AKAP19: variants seen among roughly 807,000 people sequenced by gnomAD.
AKAP19 encodes the protein small A-kinase anchoring protein.
chr2:189,989,753 A>G, the AKAP19 span, among the ~76,000 whole-genome samples: 1 of 152,198 alleles, frequency 6.6e-6, no homozygotes, highest in Non-Finnish European at 1.5e-5. Context: ...AAGAATCCTC[A>G]AAAAAGTTCT....
the AKAP19 span, chr2:189,923,551 C>T: frequency 1.2e-6 from 2 of 1,613,896 alleles, no homozygotes; most frequent in Non-Finnish European, 8.5e-7. Context: ...GAGAGGATGG[C>T]AGAATGATTG....
chr2:189,986,138 T>C, the AKAP19 span, among the ~76,000 whole-genome samples: 1 of 152,154 alleles, frequency 6.6e-6, no homozygotes, highest in Non-Finnish European at 1.5e-5. Context: ...CTACCCTCCT[T>C]CTTGGGCAAA....
chr2:190,129,936 A>C, the AKAP19 span, among the ~76,000 whole-genome samples: 1 of 151,938 alleles, frequency 6.6e-6, no homozygotes, highest in African/African-American at 2.4e-5. Flanking sequence ...ATATTTTTCT[A>C]TCTTGTGGTT....
chr2:190,001,281 G>A, the AKAP19 span, among the ~76,000 whole-genome samples: 4 of 151,988 alleles, frequency 2.6e-5, no homozygotes, highest in African/African-American at 4.8e-5. Flanking sequence ...AATATTTATA[G>A]TGGCTGCTTT....
the AKAP19 span, among the ~76,000 whole-genome samples, chr2:190,118,141 C>A: frequency 6.6e-6 from 1 of 152,218 alleles, no homozygotes; most frequent in East Asian, 1.9e-4. Context: ...TTCCTGGACA[C>A]ATACACCCTC....
chr2:190,047,656 C>T, the AKAP19 span, among the ~76,000 whole-genome samples: 4 of 152,178 alleles, frequency 2.6e-5, no homozygotes, highest in African/African-American at 9.7e-5. Context: ...TCTGATAGAA[C>T]ACAAGTATGA....
chr2:190,180,655 C>A, the AKAP19 span: 2 of 985,532 alleles, frequency 2.0e-6, no homozygotes, highest in Non-Finnish European at 2.4e-6. The surrounding 1 kb of genome is among the most constrained non-coding windows in gnomAD (Gnocchi z 6.8). Context: ...TCGGACCCTG[C>A]GCCTGAGGAA....
At chr2:190,141,582 G>A in the AKAP19 span, among the ~76,000 whole-genome samples, 1 of 152,130 alleles carries the variant, frequency 6.6e-6, no homozygotes, top group Non-Finnish European at 1.5e-5. Context: ...CAGATCTCAT[G>A]AGAACTCATT....
the AKAP19 span, among the ~76,000 whole-genome samples, chr2:189,985,231 C>A: frequency 6.6e-6 from 1 of 152,206 alleles, no homozygotes; most frequent in Non-Finnish European, 1.5e-5. Flanking sequence ...GATCCTGGTT[C>A]TGTTCCCTCA....
chr2:190,035,374 T>A, the AKAP19 span, among the ~76,000 whole-genome samples: 1 of 151,566 alleles, frequency 6.6e-6, no homozygotes, highest in Admixed American at 6.6e-5. Flanking sequence ...AAGGTTGCAG[T>A]GAGCCAAGAT....
the AKAP19 span, among the ~76,000 whole-genome samples, chr2:189,894,180 A>G: frequency 1.3e-5 from 2 of 152,190 alleles, no homozygotes; most frequent in African/African-American, 4.8e-5. Flanking sequence ...TGTGATATTC[A>G]TGTCTTAGAA....
the AKAP19 span, among the ~76,000 whole-genome samples, chr2:189,934,251 T>G: frequency 6.6e-6 from 1 of 152,052 alleles, no homozygotes; most frequent in African/African-American, 2.4e-5. Context: ...TAACATCACA[T>G]TTTTTGCATG....
the AKAP19 span, among the ~76,000 whole-genome samples, chr2:190,175,723 A>G: frequency 2.0e-5 from 3 of 152,226 alleles, no homozygotes; most frequent in Non-Finnish European, 4.4e-5. Context: ...TAAGACTACA[A>G]TGGCCTACAG....
At chr2:190,109,342 A>T in the AKAP19 span, among the ~76,000 whole-genome samples, 659 of 152,078 alleles carry the variant, frequency 4.3e-3, 10 homozygotes, top group East Asian at 0.046. Context: ...TTTAGCCTCT[A>T]TATTTTCTCA....
chr2:189,891,530 C>A, the AKAP19 span, among the ~76,000 whole-genome samples: 16 of 151,988 alleles, frequency 1.1e-4, no homozygotes, highest in Non-Finnish European at 2.2e-4. Flanking sequence ...GCCGAAAATT[C>A]TTTTCTTTAA....
At chr2:189,969,519 A>G in the AKAP19 span, among the ~76,000 whole-genome samples, 1 of 152,046 alleles carries the variant, frequency 6.6e-6, no homozygotes, top group Non-Finnish European at 1.5e-5. Flanking sequence ...TCACGAGGCC[A>G]GGAGTTCACG....
At chr2:190,193,412 A>G in the AKAP19 span, among the ~76,000 whole-genome samples, 1 of 152,144 alleles carries the variant, frequency 6.6e-6, no homozygotes, top group Admixed American at 6.5e-5. Context: ...TACTGGCCTC[A>G]TATAGAATAA....
the AKAP19 span, among the ~76,000 whole-genome samples, chr2:189,952,388 C>T: frequency 6.6e-6 from 1 of 152,140 alleles, no homozygotes; most frequent in Non-Finnish European, 1.5e-5. Flanking sequence ...AGCTTCCAGT[C>T]TTCCAAACCA....
chr2:189,941,113 C>T, the AKAP19 span, among the ~76,000 whole-genome samples: 3 of 152,232 alleles, frequency 2.0e-5, no homozygotes, highest in African/African-American at 7.2e-5. Context: ...AACTGCCATC[C>T]AATAATACTG....
Sources: gnomAD v4.1 joint callset for allele counts (sites outside exome capture counted in the v4.1 genomes callset) on GRCh38, gnomAD v4.1.1 for gene constraint, Gnocchi (gnomAD v3.1) non-coding constraint, MANE v1.5 for transcripts, NCBI Gene and HGNC (gene_info 2026-07-23, HGNC 2026-07-21) for gene names.